Variants in STXBP4 observed in about 807,000 individuals in gnomAD.
STXBP4 encodes syntaxin binding protein 4.
STXBP4 carries 55 observed loss-of-function variants against 76.1 expected under a neutral mutation model. The ratio of observed to expected loss-of-function variants is 0.72; its 90% confidence interval spans 0.58 to 0.91. The LOEUF (loss-of-function observed/expected upper bound fraction) is 0.91, where lower values mean the gene tolerates loss of function less well. STXBP4 is among the 40% of genes least tolerant of loss of function. STXBP4 has a pLI of 0.00. For missense variants in STXBP4, 618 were observed against 636.9 expected (o/e 0.97, Z 0.32); for synonymous variants, 201 against 220.2 (o/e 0.91, Z 0.77).
In STXBP4 at chr17:54,990,909, C is replaced by T; in HGVS notation, c.132C>T (p.Gly44=). Residue 44 remains glycine (G), a synonymous_variant, in exon 4 of 18, where the codon GGC becomes GGT. Transcript: ENST00000376352. ...KVLGGINRNE[G]PLVYIQEIIP... Reference sequence around the variant, plus strand: ...TAGGAGGAATTAACCGGAATGAAGGCCCATTGGTATATATTCAGGAAATTA... The same window carrying T: ...TAGGAGGAATTAACCGGAATGAAGGTCCATTGGTATATATTCAGGAAATTA... 1 of 1,604,570 alleles carries T rather than the reference C, an allele frequency of 6.2e-7. No individual in the cohort carries two copies. Among genetic ancestry groups the T allele is most frequent in the South Asian group, 1.1e-5 (1 of 89,258 alleles).
intron 11 of STXBP4, chr17:55,043,749 G>A: frequency 2.8e-6 from 3 of 1,059,284 alleles, no homozygotes; most frequent in East Asian, 2.8e-5. Flanking sequence ...AACGTAATTT[G>A]GAATTAATAT....
At chr17:55,150,910 C>G (rs1191540256) in intron 17 of STXBP4, among the ~76,000 whole-genome samples, 1 of 152,128 alleles carries the variant, frequency 6.6e-6, no homozygotes, top group Non-Finnish European at 1.5e-5. Context: ...GGAGCTAATT[C>G]TGGATTATCC....
At chr17:55,082,610 C>T (rs117027673) in intron 16 of STXBP4, among the ~76,000 whole-genome samples, 1,695 of 152,116 alleles carry the variant, frequency 0.011, 11 homozygotes, top group Admixed American at 0.017. Flanking sequence ...ATTCCTAGTA[C>T]CCTTTCACTA....
At chr17:55,121,380 CT>C (rs2079842191) in intron 16 of STXBP4, among the ~76,000 whole-genome samples, 1 of 152,100 alleles carries the variant, frequency 6.6e-6, no homozygotes, top group Admixed American at 6.6e-5. Flanking sequence ...TAAAGGAAAA[CT>C]GTCATAATTG....
chr17:55,164,775 G>C lies in STXBP4; in HGVS notation c.*4864G>C, dbSNP rs1439377796. The C allele has an allele frequency of 1.3e-5, 2 of 152,274 alleles. No individual in the cohort carries two copies. Among genetic ancestry groups the C allele is most frequent in the Non-Finnish European group, 2.9e-5 (2 of 68,050 alleles). The allele number at this position is 152,274 out of a possible 1,614,324, so 9.4% of individuals were successfully genotyped here. ...CCTATTTCTTTTACATTATTTATCA[G>C]TTTGCCCTAACCTTGTTTTGTTTGT... On this transcript the variant is annotated 3_prime_UTR_variant, in exon 18 of 18. Coordinates refer to ENST00000376352, the MANE Select transcript of STXBP4 (RefSeq NM_178509.6).
chr17:55,190,645 G>A, the STXBP4 span, among the ~76,000 whole-genome samples: 20 of 152,178 alleles, frequency 1.3e-4, no homozygotes, highest in African/African-American at 4.6e-4. Flanking sequence ...GGAAGGAATG[G>A]TGGATCTGCT....
At chr17:55,093,645 A>C (rs541849267) in intron 16 of STXBP4, among the ~76,000 whole-genome samples, 3 of 152,346 alleles carry the variant, frequency 2.0e-5, no homozygotes, top group African/African-American at 4.8e-5. Context: ...AAATATATCA[A>C]ATTTAATCTT....
At chr17:55,087,705 G>C (rs1280533190) in intron 16 of STXBP4, among the ~76,000 whole-genome samples, 1 of 151,998 alleles carries the variant, frequency 6.6e-6, no homozygotes, top group Non-Finnish European at 1.5e-5. Flanking sequence ...TTTTGCTCAG[G>C]TTTGCTTTGG....
rs116851288 is a variant in STXBP4 at position 55,027,860 on chromosome 17, T to C, written c.667-3308T>C. ...ATATGAATCCAACAGTATTCACAGT[T>C]TTATGCTGCTTAAGTGGATTCATAG... is the stretch of plus-strand genomic sequence containing the variant. On this transcript the variant is annotated intron_variant, in intron 8 of 17. Transcript: ENST00000376352. Among the ~76,000 whole-genome samples, 479 of 152,268 alleles carry C rather than the reference T, an allele frequency of 3.1e-3. 12 individuals carry two copies. Among genetic ancestry groups the C allele is most frequent in the East Asian group, 0.025 (130 of 5,182 alleles).
At chr17:55,086,187 A>G (rs1330874799) in intron 16 of STXBP4, among the ~76,000 whole-genome samples, 1 of 152,124 alleles carries the variant, frequency 6.6e-6, no homozygotes, top group Non-Finnish European at 1.5e-5. Flanking sequence ...TTTTTCCCCA[A>G]TGATACTCAG....
chr17:55,123,744 C>CA (rs1598332650), intron 16 of STXBP4, among the ~76,000 whole-genome samples: 2 of 151,778 alleles, frequency 1.3e-5, no homozygotes, highest in African/African-American at 2.4e-5. Flanking sequence ...ACTAAAAATA[C>CA]AAAAAATTAG....
At chr17:55,012,767 G>A (rs551271825) in intron 8 of STXBP4, among the ~76,000 whole-genome samples, 12 of 152,224 alleles carry the variant, frequency 7.9e-5, no homozygotes, top group African/African-American at 1.7e-4. Context: ...TGCATACCCC[G>A]CTTTTTGAGG....
intron 16 of STXBP4, among the ~76,000 whole-genome samples, chr17:55,137,960 TC>T (rs1193014121): frequency 6.6e-6 from 1 of 152,138 alleles, no homozygotes; most frequent in African/African-American, 2.4e-5. Flanking sequence ...TTTTTATTTC[TC>T]TAATTAAGCA....
intron 8 of STXBP4, among the ~76,000 whole-genome samples, chr17:55,024,767 G>C (rs2078381923): frequency 6.6e-6 from 1 of 152,122 alleles, no homozygotes; most frequent in Admixed American, 6.5e-5. Flanking sequence ...CATTATATGA[G>C]GAATACTATA....
chr17:55,081,234 CA>C (rs1168556808), intron 16 of STXBP4, 51 bp downstream of exon 16: 14 of 1,328,560 alleles, frequency 1.1e-5, no homozygotes, highest in African/African-American at 4.6e-5. Context: ...TTTAACAAAA[CA>C]AATTGAAGTC....
chr17:55,057,617 C>T (rs1354786585), intron 12 of STXBP4, among the ~76,000 whole-genome samples: 2 of 152,054 alleles, frequency 1.3e-5, no homozygotes, highest in Non-Finnish European at 2.9e-5. Context: ...TATACATATC[C>T]CATGGTGGTT....
intron 17 of STXBP4, among the ~76,000 whole-genome samples, chr17:55,158,660 T>C (rs1814500961): frequency 6.6e-6 from 1 of 152,232 alleles, no homozygotes; most frequent in South Asian, 2.1e-4. Flanking sequence ...CAATATCTTT[T>C]GTACTTCCTT....
chr17:55,192,961 ATCTC>A, the STXBP4 span, among the ~76,000 whole-genome samples: 3 of 152,208 alleles, frequency 2.0e-5, no homozygotes, highest in African/African-American at 7.2e-5. Flanking sequence ...ACCTGCAGCG[ATCTC>A]TCTGACTGCA....
chr17:54,986,516 G>A (rs1345872805), intron 3 of STXBP4, among the ~76,000 whole-genome samples: 1 of 152,158 alleles, frequency 6.6e-6, no homozygotes, highest in East Asian at 1.9e-4. Flanking sequence ...CTGCTCGGGA[G>A]ACTAGGACAG....
Sources: gnomAD v4.1 joint callset for allele counts (sites outside exome capture counted in the v4.1 genomes callset) on GRCh38, gnomAD v4.1.1 for gene constraint, MANE v1.5 for transcripts, NCBI Gene and HGNC (gene_info 2026-07-23, HGNC 2026-07-21) for gene names.